The following SMARCA4 variants were observed in gnomAD, a reference collection of about 807,000 sequenced individuals.
SMARCA4 encodes the protein SWI/SNF-related matrix-associated actin-dependent regulator of chromatin subfamily A member 4.
In SMARCA4, 31 loss-of-function variants were observed where a neutral mutation model predicts 193.9. The observed-to-expected ratio is 0.16, with a 90% CI of 0.12 to 0.22. The LOEUF (loss-of-function observed/expected upper bound fraction) is 0.22. Ranked by LOEUF, SMARCA4 falls within the 10% of genes least tolerant of loss-of-function variation. SMARCA4 has a pLI of 1.00. For synonymous variants in SMARCA4, 942 were observed against 933.1 expected (o/e 1.01, Z -0.17); for missense variants, 1,148 against 2,296.0 (o/e 0.50, Z 10.22).
intron 30 of SMARCA4, among the ~76,000 whole-genome samples, chr19:11,052,020 A>C (rs948481457): frequency 2.0e-5 from 3 of 152,080 alleles, no homozygotes; most frequent in South Asian, 4.1e-4. Flanking sequence ...GCTTGAACCC[A>C]GGAGGCAGAG....
chr19:10,982,201 G>A (rs962669620), intron 1 of SMARCA4, among the ~76,000 whole-genome samples: 2 of 151,658 alleles, frequency 1.3e-5, no homozygotes, highest in East Asian at 1.9e-4. Context: ...TTGGCCTGGC[G>A]TGGTGGTTCA....
At chr19:10,974,161 A>T (rs781599594) in intron 1 of SMARCA4, among the ~76,000 whole-genome samples, 1 of 152,158 alleles carries the variant, frequency 6.6e-6, no homozygotes, top group Non-Finnish European at 1.5e-5. Flanking sequence ...TTTCCAAGGG[A>T]TCCGATTGCT....
intron 6 of SMARCA4, among the ~76,000 whole-genome samples, chr19:10,988,465 G>A (rs980910850): frequency 6.6e-6 from 1 of 152,150 alleles, no homozygotes; most frequent in African/African-American, 2.4e-5. Flanking sequence ...CCTGCCTGTA[G>A]CTTCAATTAT....
intron 1 of SMARCA4, among the ~76,000 whole-genome samples, chr19:10,974,711 T>A (rs1048612356): frequency 2.8e-5 from 3 of 106,798 alleles, no homozygotes; most frequent in African/African-American, 7.4e-5. Context: ...TTTTTTTTTT[T>A]TTTTTTTTTT....
intron 24 of SMARCA4, among the ~76,000 whole-genome samples, chr19:11,029,983 TTTTA>T (rs2074807531): frequency 6.6e-6 from 1 of 152,142 alleles, no homozygotes; most frequent in Non-Finnish European, 1.5e-5. Context: ...GCCTGCCAGT[TTTTA>T]TTTCATCACC....
At chr19:11,057,698 C>T (rs965980466) in intron 30 of SMARCA4, among the ~76,000 whole-genome samples, 24 of 151,976 alleles carry the variant, frequency 1.6e-4, no homozygotes, top group Admixed American at 5.2e-4. Context: ...CATTGCGCTC[C>T]AGTCTGGCGA....
rs201986470 is a variant in SMARCA4, at chr19:11,058,345, G to A, written c.4515G>A (p.Val1505=). 8.1e-6 allele frequency: 13 copies of A among 1,612,170 alleles called. No homozygotes were observed. The Admixed American group carries it at 1.8e-4, about 23-fold the overall frequency. The change falls in exon 31 of 35, where the codon GTG becomes GTA. Residue 1505 remains valine, a synonymous_variant. Transcript: ENST00000344626. The surrounding 1 kb of genome is among the most constrained non-coding windows in gnomAD (Gnocchi z 5.8). ...PEYYELIRKP[V]DFKKIKERIR... ...ACTACGAGCTCATCCGCAAGCCCGT[G>A]GACTTCAAGAAGATAAAGGTAACCC...
chr19:10,981,725 C>T (rs2145683641), intron 1 of SMARCA4, among the ~76,000 whole-genome samples: 1 of 152,290 alleles, frequency 6.6e-6, no homozygotes, highest in African/African-American at 2.4e-5. Context: ...CCTGTAATTC[C>T]AGCACTTTGG....
intron 1 of SMARCA4, among the ~76,000 whole-genome samples, chr19:10,971,838 A>G (rs900582027): frequency 2.0e-5 from 3 of 148,658 alleles, no homozygotes; most frequent in African/African-American, 7.5e-5. Context: ...GCTGGAGTGC[A>G]ATGGTGCGAT....
At chr19:11,061,678 C>A in intron 34 of SMARCA4, 106 bp from the exon 35 acceptor site, 1 of 1,124,796 alleles carries the variant, frequency 8.9e-7, no homozygotes. Context: ...GCCCGGCCCA[C>A]ATCAGTGTTT....
chr19:11,054,439 C>G (rs778183547), intron 30 of SMARCA4, among the ~76,000 whole-genome samples: 18 of 152,236 alleles, frequency 1.2e-4, no homozygotes, highest in Admixed American at 9.2e-4. Context: ...CAGCCAACCT[C>G]GGCCCAGGAT....
At chr19:10,982,517 T>G (rs74816591) in intron 1 of SMARCA4, among the ~76,000 whole-genome samples, 1 of 151,078 alleles carries the variant, frequency 6.6e-6, no homozygotes, top group Non-Finnish European at 1.5e-5. Flanking sequence ...TTTTTTTTTT[T>G]GAGACGGAGT....
rs1429069064 is a variant in SMARCA4, at chr19:11,008,114, CAT to C, written c.2123+92_2123+93del. 2.3e-6 allele frequency: 3 copies of C among 1,330,046 alleles called. No homozygotes were observed. The African/African-American group carries it at 4.4e-5, about 19-fold the overall frequency. The allele number at this position is 1,330,046 out of a possible 1,614,324, so 82.4% of individuals were successfully genotyped here. ...TAGAATCCCAGCCATCCCTAGCTGA[CAT>C]TCAGCACTGTCCAGCCAGCTGCTAC... is the stretch of plus-strand genomic sequence containing the variant. On this transcript the variant is annotated intron_variant, in intron 14 of 34. Transcript: ENST00000344626.
chr19:10,971,103 G>A (rs1472110059), intron 1 of SMARCA4, among the ~76,000 whole-genome samples: 1 of 152,162 alleles, frequency 6.6e-6, no homozygotes, highest in Non-Finnish European at 1.5e-5. Flanking sequence ...GGCTGAGGCA[G>A]GAGAATCACT....
chr19:11,022,389 G>T (rs1044257598), intron 19 of SMARCA4, among the ~76,000 whole-genome samples: 1 of 152,192 alleles, frequency 6.6e-6, no homozygotes, highest in Non-Finnish European at 1.5e-5. Flanking sequence ...GGGCCACATG[G>T]TCAGGTTCTG....
At chr19:10,995,884 G>T (rs1368436483) in intron 9 of SMARCA4, 1 of 417,502 alleles carries the variant, frequency 2.4e-6, no homozygotes, top group East Asian at 5.4e-5. Context: ...GTAGGAGGTG[G>T]TGGGAGGGAT....
chr19:10,995,812 G>A (rs535476224), intron 9 of SMARCA4: 3 of 362,614 alleles, frequency 8.3e-6, no homozygotes, highest in South Asian at 2.1e-5. Context: ...AGCCTCACCC[G>A]GGAGGGTTTT....
chr19:11,002,929 C>A, intron 11 of SMARCA4, 100 bp from the exon 12 acceptor site: 1 of 1,346,720 alleles, frequency 7.4e-7, no homozygotes, highest in Non-Finnish European at 1.1e-6. Context: ...CTGCCATTTT[C>A]TGTGCAAACA....
At chr19:10,970,708 A>G (rs1236516400) in intron 1 of SMARCA4, among the ~76,000 whole-genome samples, 1 of 152,190 alleles carries the variant, frequency 6.6e-6, no homozygotes, top group Non-Finnish European at 1.5e-5. Context: ...CTGGCCGATA[A>G]AGTCCTTAAC....
Sources: allele counts gnomAD v4.1 joint callset (sites outside exome capture counted in the v4.1 genomes callset), GRCh38; gene constraint gnomAD v4.1.1; non-coding constraint Gnocchi (gnomAD v3.1); transcripts MANE v1.5; gene names NCBI Gene and HGNC (gene_info 2026-07-23, HGNC 2026-07-21).